Variants in KALRN observed in about 807,000 individuals in gnomAD.
KALRN encodes kalirin.
Under a neutral mutation model 353.7 loss-of-function variants are expected in KALRN, and 70 were observed. The observed-to-expected ratio is 0.20, with a 90% CI of 0.16 to 0.24. The LOEUF (loss-of-function observed/expected upper bound fraction) is 0.24, where lower values mean the gene tolerates loss of function less well. Ranked by LOEUF, KALRN falls within the 10% of genes least tolerant of loss-of-function variation. The pLI, the probability that KALRN is intolerant of heterozygous loss-of-function variation, is 1.00. For missense variants in KALRN, 2,791 were observed against 3,756.7 expected, an observed-to-expected ratio of 0.74 and a Z score of 6.72; for synonymous variants, 1,391 against 1,434.8, an observed-to-expected ratio of 0.97 and a Z score of 0.69.
chr3:124,604,719 C>T (rs1367810074), intron 34 of KALRN, among the ~76,000 whole-genome samples: 1 of 152,096 alleles, frequency 6.6e-6, no homozygotes, highest in Non-Finnish European at 1.5e-5. Flanking sequence ...CAGGGTCTCA[C>T]TCTGTCACCC....
At chr3:124,167,656 A>G (rs2071088596) in intron 1 of KALRN, among the ~76,000 whole-genome samples, 3 of 152,346 alleles carry the variant, frequency 2.0e-5, no homozygotes, top group Admixed American at 2.0e-4. Flanking sequence ...ATAAAATTGC[A>G]TGACTCTCTT....
At chr3:124,597,673 G>T (rs1356000609) in intron 34 of KALRN, among the ~76,000 whole-genome samples, 1 of 152,136 alleles carries the variant, frequency 6.6e-6, no homozygotes, top group African/African-American at 2.4e-5. Flanking sequence ...CTGAAATGAG[G>T]CCAGTCCAAA....
At chr3:124,431,705 ATTG>A (rs2093285114) in intron 16 of KALRN, among the ~76,000 whole-genome samples, 1 of 152,198 alleles carries the variant, frequency 6.6e-6, no homozygotes, top group African/African-American at 2.4e-5. Flanking sequence ...TAAAAAAAAA[ATTG>A]TTAATGAGTC....
chr3:124,378,937 C>T (rs1363770994), intron 10 of KALRN, among the ~76,000 whole-genome samples: 1 of 151,140 alleles, frequency 6.6e-6, no homozygotes, highest in Non-Finnish European at 1.5e-5. Context: ...TGTTGGGTTT[C>T]TTGGATTTAT....
At chr3:124,347,066 T>G in intron 9 of KALRN, 77 bp from the exon 10 acceptor site, 1 of 1,601,990 alleles carries the variant, frequency 6.2e-7, no homozygotes, top group Non-Finnish European at 8.5e-7. Context: ...TGGTTAGGAC[T>G]CTAGCAGTTG....
intron 1 of KALRN, among the ~76,000 whole-genome samples, chr3:124,081,496 C>T (rs1441857183): frequency 6.6e-6 from 1 of 152,198 alleles, no homozygotes; most frequent in East Asian, 1.9e-4. Context: ...AGGGGCCGGG[C>T]ACAGTGGCTC....
intron 1 of KALRN, among the ~76,000 whole-genome samples, chr3:124,053,934 C>T (rs1184873647): frequency 6.6e-6 from 1 of 152,170 alleles, no homozygotes; most frequent in Non-Finnish European, 1.5e-5. Context: ...TTTCCCTTCC[C>T]AGGAACAGTG....
At chr3:124,184,006 G>C (rs190767295) in intron 1 of KALRN, among the ~76,000 whole-genome samples, 1 of 152,288 alleles carries the variant, frequency 6.6e-6, no homozygotes, top group Admixed American at 6.5e-5. Flanking sequence ...GACAGAAGAA[G>C]GGGCAATTAT....
Position 124,052,920 on chromosome 3 carries a change from C to A in KALRN, c.73+19107C>A, listed in dbSNP as rs2041176630. On this transcript the variant is annotated intron_variant, in intron 1 of 59. Coordinates refer to ENST00000682506, the MANE Select transcript of KALRN (RefSeq NM_001388419.1). ...TTCCTAGCAGAGGAAGAAAGGTGAG[C>A]AAAGGGAGAGAGTTGTATAAACATC... 2.6e-5 allele frequency among the ~76,000 whole-genome samples: 4 copies of A among 152,078 alleles called. No individual in the cohort carries two copies. In the South Asian group the frequency reaches 8.3e-4, roughly 32 times the overall value.
chr3:124,546,042 T>C (rs2069601635), intron 33 of KALRN, among the ~76,000 whole-genome samples: 1 of 152,200 alleles, frequency 6.6e-6, no homozygotes, highest in Admixed American at 6.5e-5. Context: ...GGAGAGTAAC[T>C]TACTATGGGA....
chr3:124,327,054 A>C (rs981049065), intron 7 of KALRN, among the ~76,000 whole-genome samples: 1 of 152,158 alleles, frequency 6.6e-6, no homozygotes, highest in African/African-American at 2.4e-5. Context: ...TCACATTGGT[A>C]GCTTAAAATA....
intron 29 of KALRN, among the ~76,000 whole-genome samples, chr3:124,490,303 A>C (rs2063012106): frequency 1.3e-5 from 2 of 152,240 alleles, no homozygotes; most frequent in Admixed American, 1.3e-4. Context: ...TCAGTCAGGC[A>C]GTGTTTGTCC....
chr3:124,185,498 G>A (rs1042018189), intron 1 of KALRN, among the ~76,000 whole-genome samples: 2 of 152,216 alleles, frequency 1.3e-5, no homozygotes, highest in African/African-American at 4.8e-5. Flanking sequence ...AATTAAAGCT[G>A]TGATTGTGGG....
chr3:124,274,270 C>T (rs532359977), intron 5 of KALRN, among the ~76,000 whole-genome samples: 4 of 152,304 alleles, frequency 2.6e-5, no homozygotes, highest in African/African-American at 7.2e-5. Flanking sequence ...ATTATGACCT[C>T]GTGATGTCAA....
intron 4 of KALRN, among the ~76,000 whole-genome samples, chr3:124,265,901 A>G (rs2073473783): frequency 6.6e-6 from 1 of 152,096 alleles, no homozygotes; most frequent in African/African-American, 2.4e-5. Context: ...GGATCACTTG[A>G]GGTCAGGAGT....
intron 1 of KALRN, among the ~76,000 whole-genome samples, chr3:124,215,043 A>G (rs1172954628): frequency 6.6e-6 from 1 of 152,178 alleles, no homozygotes; most frequent in Non-Finnish European, 1.5e-5. Flanking sequence ...ACCCAGTCTC[A>G]TAAGGGCAGG....
At chr3:124,154,511 A>G (rs2068680000) in intron 1 of KALRN, among the ~76,000 whole-genome samples, 2 of 152,250 alleles carry the variant, frequency 1.3e-5, no homozygotes, top group African/African-American at 2.4e-5. Flanking sequence ...CCCATTCACA[A>G]TTGCTTCAAA....
Position 124,203,643 on chromosome 3 carries a change from A to G in KALRN, c.74-24347A>G, listed in dbSNP as rs369599032. Among the ~76,000 whole-genome samples, 7 of 152,322 alleles carry G rather than the reference A, an allele frequency of 4.6e-5. No individual in the cohort carries two copies. The South Asian group carries it at 1.5e-3, about 32-fold the overall frequency. On this transcript the variant is annotated intron_variant, in intron 1 of 59. Transcript: ENST00000682506. ...AAAGAAAAATAATAATAATAGGGCA[A>G]TAACTAACACTGACCTCCTCTATGC...
intron 34 of KALRN, among the ~76,000 whole-genome samples, chr3:124,624,265 AC>A (rs2079672637): frequency 6.6e-6 from 1 of 152,150 alleles, no homozygotes; most frequent in Non-Finnish European, 1.5e-5. Context: ...CGTTCAAGTT[AC>A]CCGTATTTTA....
Sources: allele counts gnomAD v4.1 joint callset (sites outside exome capture counted in the v4.1 genomes callset), GRCh38; gene constraint gnomAD v4.1.1; transcripts MANE v1.5; gene names NCBI Gene and HGNC (gene_info 2026-07-23, HGNC 2026-07-21).